EGFR: variants seen among roughly 807,000 people sequenced by gnomAD.
EGFR encodes epidermal growth factor receptor.
EGFR carries 58 observed loss-of-function variants against 143.0 expected under a neutral mutation model. That is an observed-to-expected ratio of 0.41 (90% CI 0.33 to 0.50). The LOEUF (loss-of-function observed/expected upper bound fraction) is 0.50, where lower values mean the gene tolerates loss of function less well. Among genes scored for constraint, EGFR ranks in the 20% least tolerant of loss-of-function variants. The pLI is 0.39. For missense variants in EGFR, 1,307 were observed against 1,579.0 expected, an observed-to-expected ratio of 0.83 and a Z score of 2.92; for synonymous variants, 613 against 594.4, an observed-to-expected ratio of 1.03 and a Z score of -0.45.
At chr7:55,146,503 T>G in intron 3 of EGFR, 103 bp from the exon 4 acceptor site, 1 of 1,565,740 alleles carries the variant, frequency 6.4e-7, no homozygotes, top group Non-Finnish European at 8.7e-7. Context: ...GTTCGCACCA[T>G]GGCATCTCTT....
rs2128975562 is a variant in EGFR, at chr7:55,205,537, G to A, written c.3553G>A (p.Gly1185Ser). The stretch of plus-strand genomic sequence containing the variant: ...CTTTCCCAAGGAAGCCAAGCCAAAT[G>A]GCATCTTTAAGGGCTCCACAGCTGA... ...DFFPKEAKPN[G>S]IFKGSTAENA... Residue 1185 changes from glycine (G) to serine (S), a missense_variant, in exon 28 of 28, where the codon GGC (glycine) becomes AGC (serine). Transcript: ENST00000275493. The A allele has an allele frequency of 6.2e-7, 1 of 1,614,190 alleles. No homozygotes were observed. The highest frequency in any genetic ancestry group is 8.5e-7 in the Non-Finnish European group (1 of 1,180,044).
At chr7:55,025,797 G>GTCAGCAGCTGATTAGTTGCAGTTA (rs1786847844) in intron 1 of EGFR, among the ~76,000 whole-genome samples, 1 of 152,174 alleles carries the variant, frequency 6.6e-6, no homozygotes, top group African/African-American at 2.4e-5. Context: ...GGCTGCTATA[G>GTCAGCAGCTGATTAGTTGCAGTTA]TCAGCAGCTG....
chr7:55,080,215 A>G (rs1790384491), intron 1 of EGFR, among the ~76,000 whole-genome samples: 1 of 152,134 alleles, frequency 6.6e-6, no homozygotes, highest in Non-Finnish European at 1.5e-5. Flanking sequence ...TGTGATGTTC[A>G]GTGGCTCTGG....
intron 3 of EGFR, among the ~76,000 whole-genome samples, chr7:55,145,840 A>G (rs1794732952): frequency 6.6e-6 from 1 of 152,110 alleles, no homozygotes; most frequent in South Asian, 2.1e-4. Flanking sequence ...GTCTGTCCCC[A>G]AGCCTGTCAG....
chr7:55,109,629 T>C (rs1792344641), intron 1 of EGFR: 1 of 518,576 alleles, frequency 1.9e-6, no homozygotes, highest in Non-Finnish European at 2.5e-6. Context: ...AGTCAGAATA[T>C]TACCTTTGCA....
chr7:55,147,019 G>C (rs1042242770), intron 4 of EGFR, among the ~76,000 whole-genome samples: 2 of 152,190 alleles, frequency 1.3e-5, no homozygotes, highest in Non-Finnish European at 2.9e-5. Context: ...AAGAGCTGCT[G>C]TTCATGGGGC....
intron 1 of EGFR, among the ~76,000 whole-genome samples, chr7:55,025,016 A>T (rs1196205128): frequency 6.6e-6 from 1 of 152,220 alleles, no homozygotes. Context: ...GGCATTACAC[A>T]AGCAGTGCCA....
chr7:55,170,046 C>T (rs932160684), intron 15 of EGFR, among the ~76,000 whole-genome samples: 10 of 152,096 alleles, frequency 6.6e-5, no homozygotes, highest in African/African-American at 2.2e-4. Context: ...TGGGCAGTAA[C>T]GAGGTCTCCT....
At chr7:55,081,692 T>G (rs963730647) in intron 1 of EGFR, among the ~76,000 whole-genome samples, 1 of 151,634 alleles carries the variant, frequency 6.6e-6, no homozygotes, top group Non-Finnish European at 1.5e-5. Flanking sequence ...CATCAGTGTC[T>G]GTGACAGGAA....
At position 55,207,844 on chromosome 7, in the gene EGFR, T is replaced by C. The variant is rs1190492296; in HGVS notation, c.*2227T>C. 3 of 152,264 alleles carry C rather than the reference T, an allele frequency of 2.0e-5. No homozygotes were observed. The highest frequency in any genetic ancestry group is 4.4e-5 in the Non-Finnish European group (3 of 68,054). 9.4% of individuals were successfully genotyped at this position (152,264 alleles called of 1,614,324 possible). A position where few individuals can be genotyped will look rare whatever the true frequency, so the allele number is the denominator to read the frequency against. ...TAGTGAGAAGACTACACAACATTTC[T>C]AAGAATCTGAGATTTTATATTGTCA... On this transcript the variant is annotated 3_prime_UTR_variant, in exon 28 of 28. Coordinates refer to ENST00000275493, the MANE Select transcript of EGFR (RefSeq NM_005228.5).
chr7:55,167,657 A>G lies in EGFR; in HGVS notation c.1880+2220A>G, dbSNP rs977798483. On this transcript the variant is annotated intron_variant, in intron 15 of 27. Coordinates refer to ENST00000275493, the MANE Select transcript of EGFR (RefSeq NM_005228.5). The stretch of plus-strand genomic sequence containing the variant: ...GAGAGTCACAATGGTAGTGGCGATG[A>G]TGGTGTTGGTGGTGAGGAGGTGGAA... Among the ~76,000 whole-genome samples, 112 of 97,742 alleles carry G rather than the reference A, an allele frequency of 1.1e-3. 1 individual carries two copies. The highest frequency in any genetic ancestry group is 3.8e-3 in the African/African-American group (95 of 24,898). The allele number at this position is 97,742 out of a possible 152,430, so 64.1% of individuals were successfully genotyped here.
At chr7:55,042,631 G>A (rs777346962) in intron 1 of EGFR, among the ~76,000 whole-genome samples, 56 of 152,060 alleles carry the variant, frequency 3.7e-4, no homozygotes, top group African/African-American at 9.9e-4. Flanking sequence ...GCACGAGGTC[G>A]TTATAAAGCT....
intron 1 of EGFR, among the ~76,000 whole-genome samples, chr7:55,066,034 C>T (rs935275066): frequency 6.6e-6 from 1 of 152,070 alleles, no homozygotes; most frequent in Non-Finnish European, 1.5e-5. Flanking sequence ...AGTTTTTCCT[C>T]GCAGTGACTA....
chr7:55,122,219 C>T (rs1486072538), intron 1 of EGFR, among the ~76,000 whole-genome samples: 1 of 152,202 alleles, frequency 6.6e-6, no homozygotes, highest in Non-Finnish European at 1.5e-5. Flanking sequence ...TCATGGAGCA[C>T]TCTAGTCCTC....
At chr7:55,133,082 G>A (rs779422056) in intron 1 of EGFR, among the ~76,000 whole-genome samples, 25 of 152,206 alleles carry the variant, frequency 1.6e-4, no homozygotes, top group Non-Finnish European at 1.9e-4. Context: ...AGTGAGTCAC[G>A]GGCCTGAACT....
At chr7:55,073,589 T>G (rs1418498436) in intron 1 of EGFR, among the ~76,000 whole-genome samples, 1 of 152,218 alleles carries the variant, frequency 6.6e-6, no homozygotes, top group Non-Finnish European at 1.5e-5. Flanking sequence ...AAGTGTTAAC[T>G]TAATTTGGAA....
In EGFR at chr7:55,154,158, TC is replaced by T. The variant is rs1405703750; in HGVS notation, c.889+8del. 1 of 1,614,144 alleles carries T rather than the reference TC, an allele frequency of 6.2e-7. No individual in the cohort carries two copies. The highest frequency in any genetic ancestry group is 8.5e-7 in the Non-Finnish European group (1 of 1,180,038). ...CTGCGTGAAGAAGTGTCCCCGTGAG[TC>T]CTCCTCTGTGGGCCCTCTAACTGGT... On this transcript the variant is annotated splice_region_variant and intron_variant, in intron 7 of 27. Coordinates refer to ENST00000275493, the MANE Select transcript of EGFR (RefSeq NM_005228.5).
At chr7:55,055,603 A>G (rs953984441) in intron 1 of EGFR, among the ~76,000 whole-genome samples, 2 of 152,134 alleles carry the variant, frequency 1.3e-5, no homozygotes, top group Non-Finnish European at 2.9e-5. Context: ...TCTTCAAAAT[A>G]TATGAGATGT....
chr7:55,170,984 T>A (rs1786321973), intron 15 of EGFR, 191 bp from the exon 16 acceptor site: 2 of 1,453,170 alleles, frequency 1.4e-6, no homozygotes, highest in East Asian at 5.0e-5. Context: ...AAATATTTGC[T>A]GAGTGAATGA....
Sources: gnomAD v4.1 joint callset for allele counts (sites outside exome capture counted in the v4.1 genomes callset) on GRCh38, gnomAD v4.1.1 for gene constraint, MANE v1.5 for transcripts, NCBI Gene and HGNC (gene_info 2026-07-23, HGNC 2026-07-21) for gene names.